Variants in KRABD3 observed in about 807,000 individuals in gnomAD.
The protein encoded by KRABD3 is KRAB domain-containing protein 3.
the KRABD3 span, chr7:149,734,508 C>T: frequency 6.2e-6 from 1 of 160,722 alleles, no homozygotes; most frequent in Non-Finnish European, 1.4e-5. Context: ...TGAGAGAACT[C>T]AGCCCCCTGG....
chr7:149,722,254 T>C, the KRABD3 span: 1 of 385,570 alleles, frequency 2.6e-6, no homozygotes, highest in East Asian at 1.6e-4. Context: ...ACCAACAGTC[T>C]TGCTGTTTCC....
At chr7:149,715,391 T>C in the KRABD3 span, 1 of 1,119,572 alleles carries the variant, frequency 8.9e-7, no homozygotes, top group Non-Finnish European at 1.1e-6. Flanking sequence ...GAATCCTGGA[T>C]CCCGGGGGCT....
chr7:149,730,386 C>A, the KRABD3 span: 1 of 1,558,156 alleles, frequency 6.4e-7, no homozygotes, highest in Non-Finnish European at 8.7e-7. Flanking sequence ...TGTGCCAGGG[C>A]GCCAGTCACC....
the KRABD3 span, chr7:149,720,078 G>C: frequency 6.4e-7 from 1 of 1,553,950 alleles, no homozygotes; most frequent in South Asian, 1.2e-5. Context: ...TTGGGGGAGG[G>C]AGCCACGCTG....
At chr7:149,723,259 C>CATGG in the KRABD3 span, among the ~76,000 whole-genome samples, 1 of 152,194 alleles carries the variant, frequency 6.6e-6, no homozygotes, top group East Asian at 1.9e-4. Flanking sequence ...AGGCATGATG[C>CATGG]ATGGGGTGGG....
the KRABD3 span, among the ~76,000 whole-genome samples, chr7:149,724,195 C>G: frequency 6.6e-6 from 1 of 152,186 alleles, no homozygotes; most frequent in Non-Finnish European, 1.5e-5. Context: ...CACGCAGCTC[C>G]TCATTGTGGC....
At chr7:149,725,420 A>G in the KRABD3 span, 28 of 1,612,130 alleles carry the variant, frequency 1.7e-5, no homozygotes, top group Non-Finnish European at 2.4e-5. Flanking sequence ...TCTTGTTCCC[A>G]GAACCCCCAG....
the KRABD3 span, chr7:149,720,978 G>T: frequency 6.2e-7 from 1 of 1,613,614 alleles, no homozygotes; most frequent in Non-Finnish European, 8.5e-7. Context: ...TGGAGAGAGA[G>T]CGAGCCCCGA....
At chr7:149,733,520 A>C in the KRABD3 span, 1 of 1,592,410 alleles carries the variant, frequency 6.3e-7, no homozygotes, top group Non-Finnish European at 8.5e-7. Flanking sequence ...CTGGATGTGG[A>C]CCCTCCCACG....
the KRABD3 span, chr7:149,729,434 T>C: frequency 2.3e-6 from 3 of 1,307,514 alleles, no homozygotes; most frequent in African/African-American, 4.6e-5. Context: ...GACAAGGAAA[T>C]AGACTTCCCT....
the KRABD3 span, chr7:149,724,742 G>A: frequency 1.3e-3 from 2,011 of 1,557,264 alleles, 16 homozygotes; most frequent in African/African-American, 0.023. Flanking sequence ...TGGGTCCAGA[G>A]CCCCCCAGGA....
chr7:149,731,833 T>G, the KRABD3 span: 5 of 1,381,972 alleles, frequency 3.6e-6, no homozygotes, highest in African/African-American at 4.3e-5. Context: ...GAGCCCCAGC[T>G]TGGGGAAAAC....
chr7:149,733,774 C>T, the KRABD3 span: 2 of 1,596,906 alleles, frequency 1.3e-6, no homozygotes, highest in Non-Finnish European at 1.7e-6. Flanking sequence ...CTACACCCAG[C>T]TGCCATGCTG....
the KRABD3 span, chr7:149,720,027 C>T: frequency 1.3e-6 from 2 of 1,549,710 alleles, no homozygotes; most frequent in African/African-American, 1.4e-5. Flanking sequence ...AGCTGCTCCC[C>T]CTCTCTGCTT....
At chr7:149,732,510 G>A in the KRABD3 span, among the ~76,000 whole-genome samples, 4 of 152,202 alleles carry the variant, frequency 2.6e-5, no homozygotes, top group Admixed American at 2.6e-4. This position sits in a 1 kb window ranked among gnomAD's most constrained non-coding sequence, Gnocchi z 4.0. Context: ...GCCTGGGGCT[G>A]AACAGGTTAG....
chr7:149,724,964 T>C, the KRABD3 span: 3 of 890,862 alleles, frequency 3.4e-6, no homozygotes, highest in Admixed American at 3.2e-5. Flanking sequence ...CCCTGGCCTT[T>C]CTTCCCAAGC....
At chr7:149,733,768 A>G in the KRABD3 span, 4 of 1,593,224 alleles carry the variant, frequency 2.5e-6, no homozygotes, top group Admixed American at 1.7e-5. Context: ...TGTCCTCTAC[A>G]CCCAGCTGCC....
At chr7:149,730,207 C>A in the KRABD3 span, 47 of 1,574,488 alleles carry the variant, frequency 3.0e-5, no homozygotes, top group Admixed American at 7.3e-5. Flanking sequence ...GGGATCTTGC[C>A]TGTAAGGCCC....
chr7:149,722,878 T>C, the KRABD3 span: 6 of 1,613,616 alleles, frequency 3.7e-6, no homozygotes, highest in African/African-American at 8.0e-5. Flanking sequence ...ATCCCCAAGC[T>C]TCTTGCCACC....
Sources: gnomAD v4.1 joint callset for allele counts (sites outside exome capture counted in the v4.1 genomes callset) on GRCh38, gnomAD v4.1.1 for gene constraint, Gnocchi (gnomAD v3.1) non-coding constraint, MANE v1.5 for transcripts, NCBI Gene and HGNC (gene_info 2026-07-23, HGNC 2026-07-21) for gene names.